Variants in GRM3 observed in about 807,000 individuals in gnomAD.
The protein encoded by GRM3 is glutamate metabotropic receptor 3.
A neutral mutation model predicts 70.5 loss-of-function variants in GRM3; 26 were observed. The ratio of observed to expected loss-of-function variants is 0.37; its 90% CI spans 0.27 to 0.51. The LOEUF (loss-of-function observed/expected upper bound fraction) is 0.51, where lower values mean the gene tolerates loss of function less well. GRM3 is among the 20% of genes least tolerant of loss of function. GRM3 has a pLI of 0.93. For missense variants in GRM3, 859 were observed against 1,123.8 expected, an observed-to-expected ratio of 0.76 and a Z score of 3.37; for synonymous variants, 443 against 434.9, an observed-to-expected ratio of 1.02 and a Z score of -0.23.
At chr7:86,770,698 G>A (rs1033329424) in intron 2 of GRM3, among the ~76,000 whole-genome samples, 2 of 152,058 alleles carry the variant, frequency 1.3e-5, no homozygotes, top group Admixed American at 6.6e-5. Context: ...ATGTTTTGAG[G>A]AAAAGTCACA....
chr7:86,750,953 G>A (rs1444011161), intron 1 of GRM3, among the ~76,000 whole-genome samples: 2 of 152,014 alleles, frequency 1.3e-5, no homozygotes, highest in African/African-American at 4.8e-5. Context: ...AAATATGAGA[G>A]TCCACTGTAA....
intron 5 of GRM3, among the ~76,000 whole-genome samples, chr7:86,863,867 C>T (rs1160145583): frequency 6.6e-6 from 1 of 152,110 alleles, no homozygotes; most frequent in East Asian, 1.9e-4. Context: ...TTACAAATTC[C>T]CCGCCAAGAG....
At chr7:86,718,577 C>T (rs189918183) in intron 1 of GRM3, among the ~76,000 whole-genome samples, 1 of 152,018 alleles carries the variant, frequency 6.6e-6, no homozygotes, top group African/African-American at 2.4e-5. Context: ...TTTCCAATGA[C>T]ACTGATGCTG....
chr7:86,736,454 G>C (rs956917715), intron 1 of GRM3, among the ~76,000 whole-genome samples: 2 of 152,166 alleles, frequency 1.3e-5, no homozygotes, highest in African/African-American at 4.8e-5. Context: ...CAACACAAAA[G>C]AAAGTTACGT....
intron 1 of GRM3, among the ~76,000 whole-genome samples, chr7:86,733,062 C>G (rs1010724612): frequency 1.7e-4 from 26 of 152,082 alleles, no homozygotes; most frequent in Middle Eastern, 3.2e-3. Flanking sequence ...CGCCTGTAAT[C>G]CCAGCACTTT....
At chr7:86,752,210 T>G (rs1315842042) in intron 1 of GRM3, among the ~76,000 whole-genome samples, 1 of 152,108 alleles carries the variant, frequency 6.6e-6, no homozygotes, top group African/African-American at 2.4e-5. Flanking sequence ...TGTCTGACCT[T>G]ACAATACTGT....
At position 86,850,549 on chromosome 7, in the gene GRM3, G is replaced by A; in HGVS notation, c.2566+5G>A. The A allele has an allele frequency of 6.3e-7, 1 of 1,590,498 alleles. No individual in the cohort carries two copies. Among genetic ancestry groups the A allele is most frequent in the Non-Finnish European group, 8.6e-7 (1 of 1,158,890 alleles). The stretch of plus-strand genomic sequence containing the variant: ...CTGGGACCACATACTCTCAGTGTAA[G>A]TATGGAACTCAGCACTAACTCCTTC... On this transcript the variant is annotated splice_donor_5th_base_variant and intron_variant, in intron 5 of 5. Coordinates refer to ENST00000361669, the MANE Select transcript of GRM3 (RefSeq NM_000840.3).
intron 3 of GRM3, among the ~76,000 whole-genome samples, chr7:86,821,091 G>A (rs1021672530): frequency 6.6e-6 from 1 of 152,084 alleles, no homozygotes; most frequent in African/African-American, 2.4e-5. Context: ...GTGGGGCTCA[G>A]TTAATTCACA....
chr7:86,662,865 T>C lies in GRM3; in HGVS notation c.-141+17993T>C, dbSNP rs138766035. Among the ~76,000 whole-genome samples the C allele has an allele frequency of 3.5e-3, 536 of 151,986 alleles. 4 individuals are homozygous for C. The highest frequency in any genetic ancestry group is 0.012 in the African/African-American group (509 of 41,456). On this transcript the variant is annotated intron_variant, in intron 1 of 5. Coordinates refer to ENST00000361669, the MANE Select transcript of GRM3 (RefSeq NM_000840.3). ...TACTGATGAGAGCCACCAAATGTAGTATGAATTTTTAAAATGAACTTCTCC... is the reference window on the plus strand; with the variant it reads ...TACTGATGAGAGCCACCAAATGTAGCATGAATTTTTAAAATGAACTTCTCC...
chr7:86,656,069 A>T (rs1793735337), intron 1 of GRM3, among the ~76,000 whole-genome samples: 4 of 151,996 alleles, frequency 2.6e-5, no homozygotes, highest in African/African-American at 9.7e-5. Context: ...ACTGACCTTC[A>T]GTCCACAGGA....
chr7:86,817,300 T>C (rs1798035739), intron 3 of GRM3, among the ~76,000 whole-genome samples: 1 of 151,964 alleles, frequency 6.6e-6, no homozygotes, highest in Non-Finnish European at 1.5e-5. Flanking sequence ...TTATTGAAAG[T>C]TAAGCAAAAA....
At position 86,786,752 on chromosome 7, in the gene GRM3, C is replaced by T. The variant is rs764043112; in HGVS notation, c.960C>T (p.Ala320=). 2.5e-6 allele frequency: 4 copies of T among 1,613,878 alleles called. No homozygotes were observed. The highest frequency in any genetic ancestry group is 3.4e-6 in the Non-Finnish European group (4 of 1,180,008). The part of the protein sequence containing the change: ...IKGSEHVAYG[A]ITLELASQPV... ...GCAGCGAGCATGTGGCCTACGGCGC[C>T]ATCACCCTGGAGCTGGCCTCCCAGC... Residue 320 remains alanine, a synonymous_variant, in exon 3 of 6, where the codon GCC becomes GCT. Transcript: ENST00000361669. This position sits in a 1 kb window ranked among gnomAD's most constrained non-coding sequence, Gnocchi z 6.0.
At chr7:86,755,972 A>G (rs960016724) in intron 1 of GRM3, among the ~76,000 whole-genome samples, 19 of 152,122 alleles carry the variant, frequency 1.2e-4, no homozygotes, top group Admixed American at 4.6e-4. Flanking sequence ...TAACCCACAT[A>G]TTGACCATTT....
intron 3 of GRM3, among the ~76,000 whole-genome samples, chr7:86,837,064 T>C (rs1024664992): frequency 2.6e-5 from 4 of 152,240 alleles, no homozygotes; most frequent in African/African-American, 9.6e-5. Flanking sequence ...TAAAGTCAAA[T>C]TGTAGGGTGA....
intron 3 of GRM3, among the ~76,000 whole-genome samples, chr7:86,825,854 C>T (rs568261672): frequency 4.2e-4 from 64 of 152,280 alleles, no homozygotes; most frequent in East Asian, 7.7e-4. Flanking sequence ...ATAGTTTGCA[C>T]GGTTGGCTTC....
At chr7:86,661,882 G>A (rs540988801) in intron 1 of GRM3, among the ~76,000 whole-genome samples, 17 of 151,784 alleles carry the variant, frequency 1.1e-4, no homozygotes, top group African/African-American at 3.9e-4. Flanking sequence ...CCTCCATAAA[G>A]CATAATAGGC....
intron 1 of GRM3, among the ~76,000 whole-genome samples, chr7:86,736,240 A>G (rs1795855668): frequency 6.6e-6 from 1 of 152,162 alleles, no homozygotes; most frequent in African/African-American, 2.4e-5. Flanking sequence ...CAGGTAGGCA[A>G]ACGAGGAAAA....
chr7:86,739,614 T>G (rs1011798235), intron 1 of GRM3, among the ~76,000 whole-genome samples: 1 of 152,228 alleles, frequency 6.6e-6, no homozygotes, highest in East Asian at 1.9e-4. Flanking sequence ...AAAGGCAAAT[T>G]TATAAAGACT....
Position 86,675,907 on chromosome 7 carries a change from A to G in GRM3, c.-141+31035A>G. 1.3e-5 allele frequency among the ~76,000 whole-genome samples: 2 copies of G among 152,054 alleles called. 1 individual carries two copies. Among genetic ancestry groups the G allele is most frequent in the Non-Finnish European group, 2.9e-5 (2 of 67,966 alleles). ...ACTTTTTAAAATATTTAAGTTCTCA[A>G]TAACTTTAAAACTATCTTTATTCTG... On this transcript the variant is annotated intron_variant, in intron 1 of 5. Coordinates refer to ENST00000361669, the MANE Select transcript of GRM3 (RefSeq NM_000840.3).
Sources: gnomAD v4.1 joint callset for allele counts (sites outside exome capture counted in the v4.1 genomes callset) on GRCh38, gnomAD v4.1.1 for gene constraint, Gnocchi (gnomAD v3.1) non-coding constraint, MANE v1.5 for transcripts, NCBI Gene and HGNC (gene_info 2026-07-23, HGNC 2026-07-21) for gene names.